LHFPL2: variants seen among roughly 807,000 people sequenced by gnomAD.
LHFPL2 encodes LHFPL tetraspan subfamily member 2 protein.
In LHFPL2, 7 loss-of-function variants were observed where a neutral mutation model predicts 17.5. The ratio of observed to expected loss-of-function variants is 0.40; its 90% CI spans 0.23 to 0.75. The LOEUF (loss-of-function observed/expected upper bound fraction) is 0.75. LHFPL2 is among the 30% of genes least tolerant of loss of function. The pLI, the probability that LHFPL2 is intolerant of heterozygous loss-of-function variation, is 0.37. For synonymous variants in LHFPL2, 134 were observed against 116.2 expected, an observed-to-expected ratio of 1.15 and a Z score of -0.99; for missense variants, 241 against 294.8, an observed-to-expected ratio of 0.82 and a Z score of 1.34.
At position 78,487,807 on chromosome 5, in the gene LHFPL2, A is replaced by T. The variant is rs1754297726; in HGVS notation, c.*1090T>A. The stretch of plus-strand genomic sequence containing the variant: ...GCAGTTCTTCAGTTGCAGCAATTTA[A>T]TGTTATCTCAGTCTGCTTTCAGGAT... On this transcript the variant is annotated 3_prime_UTR_variant, in exon 5 of 5. Coordinates refer to ENST00000380345, the MANE Select transcript of LHFPL2 (RefSeq NM_005779.3). 1.3e-5 allele frequency: 2 copies of T among 152,136 alleles called. No individual in the cohort carries two copies. The highest frequency in any genetic ancestry group is 4.1e-4 in the South Asian group (2 of 4,830). The allele number at this position is 152,136 out of a possible 1,614,324, so 9.4% of individuals were successfully genotyped here.
intron 2 of LHFPL2, among the ~76,000 whole-genome samples, chr5:78,602,571 A>T (rs1376621535): frequency 6.6e-6 from 1 of 152,212 alleles, no homozygotes; most frequent in Admixed American, 6.5e-5. Context: ...TAGGGGAGTG[A>T]GTCTGACTCA....
At chr5:78,563,787 C>T (rs953633047) in intron 3 of LHFPL2, among the ~76,000 whole-genome samples, 2 of 152,078 alleles carry the variant, frequency 1.3e-5, no homozygotes, top group Non-Finnish European at 2.9e-5. Flanking sequence ...TCAGCCCTGG[C>T]ATTCCTATGA....
intron 4 of LHFPL2, among the ~76,000 whole-genome samples, chr5:78,506,485 C>T (rs866977578): frequency 6.6e-6 from 1 of 152,326 alleles, no homozygotes; most frequent in Middle Eastern, 3.4e-3. Flanking sequence ...AAGGCAGATG[C>T]TCCCAGCTGC....
chr5:78,505,492 T>A (rs1251980838), intron 4 of LHFPL2, among the ~76,000 whole-genome samples: 2 of 152,194 alleles, frequency 1.3e-5, no homozygotes, highest in African/African-American at 2.4e-5. Flanking sequence ...GGAGCTCTGT[T>A]TTCTTGTCAA....
At chr5:78,586,981 G>A (rs1743433996) in intron 2 of LHFPL2, among the ~76,000 whole-genome samples, 2 of 152,138 alleles carry the variant, frequency 1.3e-5, no homozygotes, top group South Asian at 4.1e-4. Flanking sequence ...TTTGAGGTGT[G>A]GAGAAACTCA....
At position 78,510,133 on chromosome 5, in the gene LHFPL2, GGCAATGAGCTCGGCAA is replaced by G. The variant is rs764654388; in HGVS notation, c.65_80del (p.Phe22SerfsTer3). On this transcript the variant is annotated frameshift_variant, in exon 4 of 5. Transcript: ENST00000380345. LOFTEE classifies it high-confidence loss of function. ...CGATCAGCCAGTCTGCACTCATGAA[GGCAATGAGCTCGGCAA>G]AAGCCACCACAATACTCAGCAAGGT... 6.2e-7 allele frequency: 1 copy of G among 1,613,152 alleles called. No homozygotes were observed. Among genetic ancestry groups the G allele is most frequent in the South Asian group, 1.1e-5 (1 of 91,068 alleles).
intron 3 of LHFPL2, among the ~76,000 whole-genome samples, chr5:78,547,838 G>T (rs928326005): frequency 6.6e-6 from 1 of 152,248 alleles, no homozygotes; most frequent in Non-Finnish European, 1.5e-5. Context: ...AGGTACAGGG[G>T]GCCTGTTCAG....
At chr5:78,527,363 GTTTTTTTT>G (rs35135294) in intron 3 of LHFPL2, among the ~76,000 whole-genome samples, 4 of 108,100 alleles carry the variant, frequency 3.7e-5, no homozygotes, top group African/African-American at 1.4e-4. Context: ...CTGATGAGGA[GTTTTTTTT>G]TTTTTTTTTT....
At chr5:78,516,360 A>G (rs1340445484) in intron 3 of LHFPL2, among the ~76,000 whole-genome samples, 1 of 152,140 alleles carries the variant, frequency 6.6e-6, no homozygotes, top group East Asian at 1.9e-4. Context: ...CTCTGAAGCT[A>G]TGGTTCCCAA....
At chr5:78,641,930 C>CACACACATACACAT (rs1384726283) in intron 1 of LHFPL2, 2 of 151,778 alleles carry the variant, frequency 1.3e-5, no homozygotes, top group African/African-American at 4.9e-5. Context: ...CACACACACA[C>CACACACATACACAT]ACACACACAT....
intron 3 of LHFPL2, among the ~76,000 whole-genome samples, chr5:78,522,719 G>A (rs973936257): frequency 1.3e-5 from 2 of 152,068 alleles, no homozygotes; most frequent in African/African-American, 2.4e-5. Context: ...ACTGCCCTCC[G>A]GAAACTTATT....
intron 3 of LHFPL2, among the ~76,000 whole-genome samples, chr5:78,545,874 G>C (rs960780054): frequency 2.6e-5 from 4 of 152,216 alleles, no homozygotes; most frequent in Non-Finnish European, 4.4e-5. Context: ...TATGAAGTCA[G>C]TCAAGGGCAG....
chr5:78,545,632 C>T (rs1231284626), intron 3 of LHFPL2, among the ~76,000 whole-genome samples: 2 of 152,184 alleles, frequency 1.3e-5, no homozygotes, highest in East Asian at 1.9e-4. Flanking sequence ...GCCGATCATT[C>T]GAGCCACCTG....
At chr5:78,541,450 T>C (rs1017732172) in intron 3 of LHFPL2, among the ~76,000 whole-genome samples, 18 of 152,178 alleles carry the variant, frequency 1.2e-4, no homozygotes, top group South Asian at 6.2e-4. Context: ...ACAGAGTTCA[T>C]ATTTCAAACC....
chr5:78,485,428 AGTG>A lies in LHFPL2; in HGVS notation c.*3466_*3468del, dbSNP rs1365435238. On this transcript the variant is annotated 3_prime_UTR_variant, in exon 5 of 5. Transcript: ENST00000380345. ...TGGCTCAAGTGGCTGTTGAATATCA[AGTG>A]GTGCCGAGTCCCTCCAGAGCACCTA... The A allele has an allele frequency of 2.6e-5, 4 of 152,776 alleles. No individual in the cohort carries two copies. In the East Asian group the frequency reaches 7.7e-4, roughly 29 times the overall value. The allele number at this position is 152,776 out of a possible 1,614,324, so 9.5% of individuals were successfully genotyped here.
At position 78,509,960 on chromosome 5, in the gene LHFPL2, T is replaced by G. The variant is rs777850578; in HGVS notation, c.254A>C (p.Tyr85Ser). ...GGCGATCTCGCCGAAGCTCTCGGCG[T>G]AGGGCCCGCACAGCGTGTCCCGCTG... ...HFQRDTLCGP[Y>S]AESFGEIASG... Residue 85 changes from tyrosine (Y) to serine (S), a missense_variant, in exon 4 of 5, where the codon TAC becomes TCC. By Grantham distance (144) the Tyr-to-Ser change is moderately radical. Transcript: ENST00000380345. The G allele has an allele frequency of 3.7e-6, 6 of 1,613,908 alleles. No homozygotes were observed. The highest frequency in any genetic ancestry group is 5.1e-6 in the Non-Finnish European group (6 of 1,180,014).
chr5:78,522,407 A>G (rs957436204), intron 3 of LHFPL2, among the ~76,000 whole-genome samples: 11 of 152,208 alleles, frequency 7.2e-5, no homozygotes, highest in African/African-American at 2.7e-4. Flanking sequence ...ATTGCGCTTC[A>G]GCCTGGGTGA....
chr5:78,531,419 CAA>C (rs11445485), intron 3 of LHFPL2, among the ~76,000 whole-genome samples: 46,294 of 115,848 alleles, frequency 0.4, 7,678 homozygotes, highest in Middle Eastern at 0.5. Context: ...AACTCCATCT[CAA>C]AAAAAAAAAA....
intron 1 of LHFPL2, among the ~76,000 whole-genome samples, chr5:78,634,911 T>C (rs1561375425): frequency 6.6e-6 from 1 of 152,248 alleles, no homozygotes; most frequent in Non-Finnish European, 1.5e-5. Flanking sequence ...GTGTGTTTCA[T>C]TTCAAGAACA....
Sources: allele counts gnomAD v4.1 joint callset (sites outside exome capture counted in the v4.1 genomes callset), GRCh38; gene constraint gnomAD v4.1.1; transcripts MANE v1.5; gene names NCBI Gene and HGNC (gene_info 2026-07-23, HGNC 2026-07-21).